Variants in PRMT9 observed in about 807,000 individuals in gnomAD.
PRMT9 encodes protein arginine methyltransferase 9, also known as protein arginine N-methyltransferase 9.
A neutral mutation model predicts 83.2 loss-of-function variants in PRMT9; 59 were observed. That is an observed-to-expected ratio of 0.71 (90% CI 0.57 to 0.88). The LOEUF (loss-of-function observed/expected upper bound fraction) is 0.88, where lower values mean the gene tolerates loss of function less well. Ranked by LOEUF, PRMT9 falls within the 40% of genes least tolerant of loss-of-function variation. The pLI is 0.00. For missense variants in PRMT9, 947 were observed against 1,021.9 expected (o/e 0.93, Z 1.00); for synonymous variants, 333 against 353.2 (o/e 0.94, Z 0.64).
intron 5 of PRMT9, 78 bp from the exon 6 acceptor site, chr4:147,668,723 A>C (rs1326219321): frequency 3.5e-6 from 3 of 868,058 alleles, no homozygotes; most frequent in Non-Finnish European, 5.6e-6. Context: ...CTATGAAAAT[A>C]TAATTTAAAA....
rs763516738 is a variant in PRMT9 at position 147,653,895 on chromosome 4, C to T, written c.2002G>A (p.Gly668Arg). The change falls in exon 9 of 12, where the codon GGG becomes AGG. Residue 668 changes from glycine (G) to arginine (R), a missense_variant. Coordinates refer to ENST00000322396, the MANE Select transcript of PRMT9 (RefSeq NM_138364.4). ...IIILDVIEPSGLIQQEIMEKA... is the reference protein window; with the variant it reads ...IIILDVIEPSRLIQQEIMEKA... ...TCCATTATTTCCTGCTGAATGAGCCCAGATGGCTCAATGACATCCAATATA... is the reference window on the plus strand; with the variant it reads ...TCCATTATTTCCTGCTGAATGAGCCTAGATGGCTCAATGACATCCAATATA... 6.2e-7 allele frequency: 1 copy of T among 1,613,918 alleles called. No homozygotes were observed. Among genetic ancestry groups the T allele is most frequent in the East Asian group, 2.2e-5 (1 of 44,880 alleles).
chr4:147,662,218 A>G (rs1487835538), intron 6 of PRMT9, among the ~76,000 whole-genome samples: 2 of 152,240 alleles, frequency 1.3e-5, no homozygotes, highest in African/African-American at 4.8e-5. Flanking sequence ...TAAACACAAA[A>G]GAAGCTAGGC....
chr4:147,668,700 G>A, intron 5 of PRMT9, 55 bp from the exon 6 acceptor site: 8 of 974,982 alleles, frequency 8.2e-6, no homozygotes, highest in Non-Finnish European at 1.3e-5. Flanking sequence ...AAATGTGTGT[G>A]CATAATGATA....
In PRMT9 at chr4:147,654,285, T is replaced by C. The variant is rs1734331522; in HGVS notation, c.1612A>G (p.Lys538Glu). The change falls in exon 9 of 12, where the codon AAA (lysine) becomes GAA (glutamate). Residue 538 changes from lysine to glutamate, a missense_variant. Physicochemically the swap from Lys to Glu is moderately conservative, Grantham distance 56. Transcript: ENST00000322396. ...LNNIPYHEGF[K>E]MAMSKVLSSL... ...GACAAAACTTTGCTCATTGCCATTT[T>C]AAAGCCTTCATGATATGGGATGTTG... The C allele has an allele frequency of 6.2e-7, 1 of 1,614,248 alleles. No homozygotes were observed. The highest frequency in any genetic ancestry group is 8.5e-7 in the Non-Finnish European group (1 of 1,180,030).
Position 147,657,524 on chromosome 4 carries a change from T to TA in PRMT9, c.1330+267dup, listed in dbSNP as rs766358946. On this transcript the variant is annotated intron_variant, in intron 8 of 11. Transcript: ENST00000322396. ...GGGCAAAAGAGCGAGACTCTGTCGT[T>TA]AAAAAAAAAAAAAGAAAAAAGAAAA... 5.3e-3 allele frequency among the ~76,000 whole-genome samples: 740 copies of TA among 139,168 alleles called. 2 individuals carry two copies. Among genetic ancestry groups the TA allele is most frequent in the African/African-American group, 0.016 (587 of 37,838 alleles). 91.3% of individuals were successfully genotyped at this position (139,168 alleles called of 152,430 possible).
rs777814643 is a variant in PRMT9 at position 147,670,796 on chromosome 4, T to C, written c.744-53A>G. The C allele has an allele frequency of 2.0e-4, 239 of 1,167,188 alleles. 1 individual carries two copies. The highest frequency in any genetic ancestry group is 5.7e-4 in the Middle Eastern group (3 of 5,226). 72.3% of individuals were successfully genotyped at this position (1,167,188 alleles called of 1,614,324 possible). On this transcript the variant is annotated intron_variant, in intron 4 of 11. Transcript: ENST00000322396. ...GTAAGTAAAATATCATGCTATTATA[T>C]AAAGATGTCAAAGCTGAGAGGAGAA... is the stretch of plus-strand genomic sequence containing the variant.
chr4:147,679,890 T>C (rs1270591194), intron 2 of PRMT9, among the ~76,000 whole-genome samples: 4 of 152,214 alleles, frequency 2.6e-5, no homozygotes, highest in Non-Finnish European at 5.9e-5. Context: ...CTTCTTACCC[T>C]ACTACATGGT....
chr4:147,644,824 G>C (rs1361786754), intron 9 of PRMT9, among the ~76,000 whole-genome samples: 1 of 152,180 alleles, frequency 6.6e-6, no homozygotes, highest in Non-Finnish European at 1.5e-5. Context: ...GGGAGAGAAG[G>C]GTGGGTGGGC....
intron 5 of PRMT9, among the ~76,000 whole-genome samples, chr4:147,669,643 G>T (rs1328580339): frequency 6.6e-6 from 1 of 151,876 alleles, no homozygotes; most frequent in Non-Finnish European, 1.5e-5. Context: ...ATCACTTAAG[G>T]CCAGGAGTTC....
At position 147,683,884 on chromosome 4, in the gene PRMT9, C is replaced by G. The variant is rs746092147; in HGVS notation, c.104G>C (p.Cys35Ser). The G allele has an allele frequency of 2.7e-5, 43 of 1,613,560 alleles. No homozygotes were observed. In the Admixed American group the frequency reaches 6.8e-4, roughly 26 times the overall value. Residue 35 changes from cysteine (C) to serine (S), a missense_variant, in exon 1 of 12, where the codon TGT becomes TCT. Transcript: ENST00000322396. ...VSRSLQSAEH[C>S]LGVQDFGTAY... ...AGTGCCGAAGTCCTGGACGCCCAGA[C>G]AGTGCTCTGCGCTCTGCAAGGACCG...
intron 9 of PRMT9, among the ~76,000 whole-genome samples, chr4:147,653,453 A>AAT (rs1553991781): frequency 0.057 from 8,399 of 148,584 alleles, 316 homozygotes; most frequent in South Asian, 0.087. Context: ...AAAAAAAAAA[A>AAT]ATATATATAT....
Position 147,638,150 on chromosome 4 carries a change from T to C in PRMT9, c.*382A>G, listed in dbSNP as rs1435788363. On this transcript the variant is annotated 3_prime_UTR_variant, in exon 12 of 12. Coordinates refer to ENST00000322396, the MANE Select transcript of PRMT9 (RefSeq NM_138364.4). The stretch of plus-strand genomic sequence containing the variant: ...GGTAACCATAACCCTCAGTCTTCAG[T>C]GGAAGCCTTTCAGTGTTTCCCAATT... The C allele has an allele frequency of 3.8e-6, 1 of 261,094 alleles. No individual in the cohort carries two copies. The highest frequency in any genetic ancestry group is 1.5e-3 in the Middle Eastern group (1 of 674). The allele number at this position is 261,094 out of a possible 1,614,324, so 16.2% of individuals were successfully genotyped here.
intron 1 of PRMT9, among the ~76,000 whole-genome samples, chr4:147,680,741 C>T (rs766928906): frequency 3.3e-5 from 5 of 152,234 alleles, no homozygotes; most frequent in Non-Finnish European, 7.3e-5. Flanking sequence ...CCTTATTCTC[C>T]AGAACTGCCT....
intron 9 of PRMT9, among the ~76,000 whole-genome samples, chr4:147,652,724 C>T (rs567184980): frequency 0.017 from 507 of 29,164 alleles, 4 homozygotes; most frequent in African/African-American, 0.05. Context: ...AAAAAAAAAA[C>T]GAAAAAACAA....
At chr4:147,659,314 T>C (rs1734771343) in intron 7 of PRMT9, among the ~76,000 whole-genome samples, 1 of 150,732 alleles carries the variant, frequency 6.6e-6, no homozygotes, top group South Asian at 2.1e-4. Flanking sequence ...AGCAGGAGAA[T>C]CACTTGAACC....
At chr4:147,665,661 A>T (rs1735279264) in intron 6 of PRMT9, among the ~76,000 whole-genome samples, 1 of 152,158 alleles carries the variant, frequency 6.6e-6, no homozygotes, top group African/African-American at 2.4e-5. Flanking sequence ...TTGGTGAGAA[A>T]TGGTATTTAA....
chr4:147,655,963 T>C (rs1408815324), intron 8 of PRMT9, among the ~76,000 whole-genome samples: 1 of 152,196 alleles, frequency 6.6e-6, no homozygotes, highest in Non-Finnish European at 1.5e-5. Context: ...TGTCATTCAC[T>C]GAGTGCCAGT....
chr4:147,659,036 G>A (rs1004374041), intron 7 of PRMT9, among the ~76,000 whole-genome samples: 17 of 152,042 alleles, frequency 1.1e-4, no homozygotes, highest in Non-Finnish European at 4.4e-5. Flanking sequence ...AAAAGTAGTC[G>A]GGCATGGTGG....
At position 147,668,655 on chromosome 4, in the gene PRMT9, A is replaced by G. The variant is rs760939401; in HGVS notation, c.847-10T>C. ...CACTTTCACCTTTGGTCTAAAAAAA[A>G]TAACAATAAGAATTATGTTATCACA... On this transcript the variant is annotated splice_polypyrimidine_tract_variant and intron_variant, in intron 5 of 11. Transcript: ENST00000322396. 11 of 1,462,346 alleles carry G rather than the reference A, an allele frequency of 7.5e-6. No individual in the cohort carries two copies. The highest frequency in any genetic ancestry group is 9.6e-6 in the Non-Finnish European group (10 of 1,042,656). The allele number at this position is 1,462,346 out of a possible 1,614,324, so 90.6% of individuals were successfully genotyped here. A position where few individuals can be genotyped will look rare whatever the true frequency, so the allele number is the denominator to read the frequency against.
Sources: gnomAD v4.1 joint callset for allele counts (sites outside exome capture counted in the v4.1 genomes callset) on GRCh38, gnomAD v4.1.1 for gene constraint, MANE v1.5 for transcripts, NCBI Gene and HGNC (gene_info 2026-07-23, HGNC 2026-07-21) for gene names.